PAM: variants seen among roughly 807,000 people sequenced by gnomAD.
PAM encodes the protein peptidylglycine alpha-amidating monooxygenase.
Under a neutral mutation model 122.1 loss-of-function variants are expected in PAM, and 72 were observed. That is an observed-to-expected ratio of 0.59 (90% CI 0.49 to 0.72). The LOEUF is 0.72. Among genes scored for constraint, PAM ranks in the 30% least tolerant of loss-of-function variants. The probability of loss-of-function intolerance (pLI) is 0.00; values close to 1 mark genes in which losing one functional copy is unlikely to be tolerated. For missense variants in PAM, 1,106 were observed against 1,183.7 expected (o/e 0.93, Z 0.96); for synonymous variants, 389 against 404.4 (o/e 0.96, Z 0.46).
intron 7 of PAM, among the ~76,000 whole-genome samples, chr5:102,934,424 A>T (rs980656375): frequency 1.3e-5 from 2 of 152,236 alleles, no homozygotes; most frequent in African/African-American, 4.8e-5. Flanking sequence ...GCCCTGCTGA[A>T]ACAAGCCTCA....
chr5:103,029,436 G>A lies in PAM; in HGVS notation c.*371G>A, dbSNP rs933194809. On this transcript the variant is annotated 3_prime_UTR_variant, in exon 26 of 26. Coordinates refer to ENST00000438793, the MANE Select transcript of PAM (RefSeq NM_001177306.2). ...TCCCAATAGCACTTTCATTGCCAGTGTCTTTCTTTGGTGCCTTTCCTGTTC... is the reference window on the plus strand; with the variant it reads ...TCCCAATAGCACTTTCATTGCCAGTATCTTTCTTTGGTGCCTTTCCTGTTC... The A allele has an allele frequency of 1.1e-4, 17 of 161,788 alleles. No homozygotes were observed. The highest frequency in any genetic ancestry group is 5.8e-4 in the Admixed American group (9 of 15,556). The allele number at this position is 161,788 out of a possible 1,614,324, so 10.0% of individuals were successfully genotyped here. A position where few individuals can be genotyped will look rare whatever the true frequency, so the allele number is the denominator to read the frequency against.
At chr5:102,792,915 G>T (rs1227398605) in intron 1 of PAM, among the ~76,000 whole-genome samples, 3 of 152,156 alleles carry the variant, frequency 2.0e-5, no homozygotes, top group Admixed American at 1.3e-4. Context: ...ACAGTAGCAC[G>T]TAAGTTCAGA....
At chr5:102,948,678 G>A (rs1757779965) in intron 9 of PAM, among the ~76,000 whole-genome samples, 1 of 151,842 alleles carries the variant, frequency 6.6e-6, no homozygotes, top group Admixed American at 6.6e-5. Context: ...CCCTTGTGTA[G>A]GTGTGTATTA....
intron 12 of PAM, among the ~76,000 whole-genome samples, chr5:102,953,226 G>A (rs934984338): frequency 6.6e-6 from 1 of 152,156 alleles, no homozygotes; most frequent in Non-Finnish European, 1.5e-5. Flanking sequence ...GCACTTAAAA[G>A]TAGAGGCTGA....
chr5:102,997,497 C>A (rs1776101052), intron 16 of PAM, among the ~76,000 whole-genome samples: 1 of 151,876 alleles, frequency 6.6e-6, no homozygotes, highest in Non-Finnish European at 1.5e-5. Flanking sequence ...CCAACCTGAG[C>A]AACAGAGACC....
chr5:103,024,271 A>G (rs889080071), intron 23 of PAM, among the ~76,000 whole-genome samples: 1 of 152,132 alleles, frequency 6.6e-6, no homozygotes, highest in Admixed American at 6.6e-5. Context: ...CCTCATTTTC[A>G]TATCATTAGT....
chr5:102,877,822 G>GT (rs1789708265), intron 3 of PAM, among the ~76,000 whole-genome samples: 1 of 152,112 alleles, frequency 6.6e-6, no homozygotes, highest in Admixed American at 6.5e-5. Flanking sequence ...GAGGCCAGGA[G>GT]TTTGAGACCA....
intron 7 of PAM, among the ~76,000 whole-genome samples, chr5:102,943,797 C>T (rs574146019): frequency 6.6e-6 from 1 of 152,126 alleles, no homozygotes; most frequent in Non-Finnish European, 1.5e-5. Context: ...TAAAATAATT[C>T]GGCATGGTTA....
rs140479169 is a variant in PAM at position 103,003,006 on chromosome 5, A to G, written c.1614-27A>G. On this transcript the variant is annotated intron_variant, in intron 16 of 25. Transcript: ENST00000438793. ...TTTCATTGGAATTTATGATTGTTTC[A>G]TGTCCTATTTAATGCTTTTTGTTTA... is the stretch of plus-strand genomic sequence containing the variant. 5.0e-4 allele frequency: 488 copies of G among 975,174 alleles called. 3 individuals carry two copies. The East Asian group carries it at 0.01, about 20-fold the overall frequency. The allele number at this position is 975,174 out of a possible 1,614,324, so 60.4% of individuals were successfully genotyped here. A position where few individuals can be genotyped will look rare whatever the true frequency, so the allele number is the denominator to read the frequency against.
intron 1 of PAM, among the ~76,000 whole-genome samples, chr5:102,836,891 A>AGAGAGAGAGAGAGG (rs1777235721): frequency 6.6e-6 from 1 of 151,868 alleles, no homozygotes; most frequent in Non-Finnish European, 1.5e-5. Flanking sequence ...AGAGAGAGAG[A>AGAGAGAGAGAGAGG]GAGAGAGGTG....
chr5:102,935,456 T>C (rs190792025), intron 7 of PAM, among the ~76,000 whole-genome samples: 3 of 152,258 alleles, frequency 2.0e-5, no homozygotes, highest in East Asian at 3.9e-4. Context: ...TATCTTATTG[T>C]CTATTAAAGA....
intron 1 of PAM, among the ~76,000 whole-genome samples, chr5:102,779,918 T>TATATATATATACACACACACAC (rs147065045): frequency 4.2e-4 from 40 of 95,660 alleles, no homozygotes; most frequent in African/African-American, 1.5e-3. Flanking sequence ...TATATATATA[T>TATATATATATACACACACACAC]ACACACATAT....
intron 1 of PAM, among the ~76,000 whole-genome samples, chr5:102,860,361 T>A (rs749934652): frequency 3.9e-5 from 6 of 152,148 alleles, no homozygotes; most frequent in Non-Finnish European, 8.8e-5. Context: ...TGTGCAGGGC[T>A]TTGAGCCCAG....
intron 3 of PAM, among the ~76,000 whole-genome samples, chr5:102,900,855 A>G (rs986763678): frequency 1.3e-5 from 2 of 151,586 alleles, no homozygotes; most frequent in African/African-American, 4.8e-5. Flanking sequence ...GATTTCTTCA[A>G]TGTATTACAT....
At chr5:102,811,447 C>T (rs546917337) in intron 1 of PAM, among the ~76,000 whole-genome samples, 1 of 152,336 alleles carries the variant, frequency 6.6e-6, no homozygotes, top group East Asian at 1.9e-4. Context: ...CTCTCTGGTT[C>T]TCTGCAGCCA....
At chr5:102,791,789 TG>T (rs1290907436) in intron 1 of PAM, among the ~76,000 whole-genome samples, 2 of 152,156 alleles carry the variant, frequency 1.3e-5, no homozygotes, top group African/African-American at 4.8e-5. Context: ...ATTAATTAGT[TG>T]TATTTAGTCT....
At chr5:102,876,737 G>T (rs1443398211) in intron 3 of PAM, among the ~76,000 whole-genome samples, 5 of 152,206 alleles carry the variant, frequency 3.3e-5, no homozygotes, top group African/African-American at 1.2e-4. Flanking sequence ...ACCCGATGGG[G>T]CCAGCTGTGT....
At chr5:102,926,439 C>T in intron 6 of PAM, 146 bp from the exon 7 acceptor site, 1 of 553,734 alleles carries the variant, frequency 1.8e-6, no homozygotes, top group Non-Finnish European at 3.2e-6. Context: ...TAGAAATTAT[C>T]AGTCAATGGT....
In PAM at chr5:103,007,536, A is replaced by T. The variant is rs769017819; in HGVS notation, c.2094A>T (p.Leu698Phe). The T allele has an allele frequency of 6.8e-6, 11 of 1,614,032 alleles. No homozygotes were observed. Among genetic ancestry groups the T allele is most frequent in the Non-Finnish European group, 9.3e-6 (11 of 1,179,958 alleles). ...SLALVPLLGQ[L>F]CVADRENGRI... ...CTCTTGTGCCTCTTTTGGGCCAATT[A>T]TGTGTGGCAGACCGGGAAAATGGTC... Residue 698 changes from leucine (L) to phenylalanine (F), a missense_variant, in exon 20 of 26, where the codon TTA (leucine) becomes TTT (phenylalanine). Leu to Phe is a conservative substitution (Grantham distance 22). This residue lies in a region of PAM where 333 missense variants were observed against 335.6 expected (regional missense o/e 0.99). Transcript: ENST00000438793.
Sources: gnomAD v4.1 joint callset for allele counts (sites outside exome capture counted in the v4.1 genomes callset) on GRCh38, gnomAD v4.1.1 for gene constraint, gnomAD v4.1.1 regional missense constraint, MANE v1.5 for transcripts, NCBI Gene and HGNC (gene_info 2026-07-23, HGNC 2026-07-21) for gene names.